Variants in AGBL4 observed in about 807,000 individuals in gnomAD.
AGBL4 encodes the protein cytosolic carboxypeptidase 6.
Under a neutral mutation model 66.4 loss-of-function variants are expected in AGBL4, and 58 were observed. The observed-to-expected ratio is 0.87, with a 90% confidence interval of 0.71 to 1.09. The LOEUF (loss-of-function observed/expected upper bound fraction) is 1.09, where lower values mean the gene tolerates loss of function less well. Ranked by LOEUF, AGBL4 falls within the 50% of genes least tolerant of loss-of-function variation. The pLI is 0.00. For missense variants in AGBL4, 579 were observed against 631.0 expected (o/e 0.92, Z 0.88); for synonymous variants, 234 against 222.9 (o/e 1.05, Z -0.44).
At chr1:49,483,956 C>T (rs1647009951) in intron 3 of AGBL4, among the ~76,000 whole-genome samples, 1 of 151,894 alleles carries the variant, frequency 6.6e-6, no homozygotes, top group Non-Finnish European at 1.5e-5. Flanking sequence ...GAATATACAT[C>T]TCTCAAAAGA....
At chr1:49,002,709 T>C (rs541330436) in intron 5 of AGBL4, among the ~76,000 whole-genome samples, 21 of 152,220 alleles carry the variant, frequency 1.4e-4, no homozygotes, top group Non-Finnish European at 2.5e-4. Flanking sequence ...GGATTAATGG[T>C]TTCAAATTCC....
chr1:49,737,743 G>C (rs1354855731), intron 2 of AGBL4, among the ~76,000 whole-genome samples: 1 of 152,170 alleles, frequency 6.6e-6, no homozygotes, highest in Non-Finnish European at 1.5e-5. Flanking sequence ...AAACCAGAAG[G>C]CAGTAGGATG....
intron 4 of AGBL4, among the ~76,000 whole-genome samples, chr1:49,153,727 GT>G (rs35957021): frequency 6.3e-4 from 96 of 151,946 alleles, no homozygotes; most frequent in African/African-American, 2.3e-3. Context: ...TCTGGGCCTT[GT>G]TTTCCCATCT....
At chr1:49,775,626 C>T (rs1270649249) in intron 2 of AGBL4, among the ~76,000 whole-genome samples, 2 of 151,938 alleles carry the variant, frequency 1.3e-5, no homozygotes, top group Non-Finnish European at 2.9e-5. Context: ...ATTATAATTA[C>T]CATGTGTCTA....
chr1:48,974,858 G>C (rs1260667073), intron 5 of AGBL4, among the ~76,000 whole-genome samples: 1 of 152,048 alleles, frequency 6.6e-6, no homozygotes, highest in East Asian at 1.9e-4. Flanking sequence ...AAGACCACAG[G>C]AAACAGATTC....
At chr1:49,968,027 C>G (rs762606746) in intron 1 of AGBL4, among the ~76,000 whole-genome samples, 1 of 152,112 alleles carries the variant, frequency 6.6e-6, no homozygotes, top group South Asian at 2.1e-4. Flanking sequence ...AGTTCAAGAC[C>G]AGCCTGACCA....
chr1:48,603,377 G>C (rs1232224489), intron 9 of AGBL4, among the ~76,000 whole-genome samples: 1 of 152,168 alleles, frequency 6.6e-6, no homozygotes, highest in African/African-American at 2.4e-5. Flanking sequence ...GGCTGAGGCA[G>C]GAGAATTGCT....
chr1:49,743,740 C>G (rs1650749200), intron 2 of AGBL4, among the ~76,000 whole-genome samples: 1 of 152,038 alleles, frequency 6.6e-6, no homozygotes, highest in Admixed American at 6.5e-5. Context: ...ATTATGAGTT[C>G]ACGTCCTTCG....
At chr1:48,541,402 T>C (rs1220936027) in intron 11 of AGBL4, among the ~76,000 whole-genome samples, 1 of 152,252 alleles carries the variant, frequency 6.6e-6, no homozygotes, top group African/African-American at 2.4e-5. Context: ...GCAGAGGTCA[T>C]ATCTGTCTTA....
chr1:48,657,232 G>C (rs114198594), intron 7 of AGBL4, among the ~76,000 whole-genome samples: 2,082 of 152,286 alleles, frequency 0.014, 54 homozygotes, highest in African/African-American at 0.047. Flanking sequence ...GTTCTTGTGA[G>C]GATTTAAGTG....
chr1:48,548,604 T>C (rs911035759), intron 11 of AGBL4, among the ~76,000 whole-genome samples: 2 of 152,210 alleles, frequency 1.3e-5, no homozygotes, highest in Non-Finnish European at 2.9e-5. Context: ...CCCTTCCCTG[T>C]CCTGCTCCTC....
intron 1 of AGBL4, among the ~76,000 whole-genome samples, chr1:50,023,131 T>G (rs575403656): frequency 1.3e-5 from 2 of 152,298 alleles, no homozygotes; most frequent in African/African-American, 4.8e-5. Flanking sequence ...GGTAGGCTCC[T>G]AAAGGACTGG....
chr1:48,995,663 T>C (rs1057315181), intron 5 of AGBL4, among the ~76,000 whole-genome samples: 1 of 152,124 alleles, frequency 6.6e-6, no homozygotes, highest in African/African-American at 2.4e-5. Flanking sequence ...ACCCAAAAAA[T>C]GAAAACTTTC....
At chr1:48,969,613 C>T (rs1447108590) in intron 5 of AGBL4, among the ~76,000 whole-genome samples, 1 of 152,078 alleles carries the variant, frequency 6.6e-6, no homozygotes, top group Non-Finnish European at 1.5e-5. Flanking sequence ...TATTCCCTCT[C>T]TCTCCCTTCC....
Position 48,847,399 on chromosome 1 carries a change from C to CAAAA in AGBL4, c.634+19788_634+19791dup, listed in dbSNP as rs11413755. On this transcript the variant is annotated intron_variant, in intron 6 of 13. Transcript: ENST00000371839. ...AAGGCACTTTCATAAAGAAATGAGG[C>CAAAA]AAAAAAAAAAAAAAAGCCTGTATTT... is the stretch of plus-strand genomic sequence containing the variant. Among the ~76,000 whole-genome samples, 743 of 126,104 alleles carry CAAAA rather than the reference C, an allele frequency of 5.9e-3. 11 individuals carry two copies. Among genetic ancestry groups the CAAAA allele is most frequent in the African/African-American group, 0.017 (539 of 31,802 alleles). The allele number at this position is 126,104 out of a possible 152,430, so 82.7% of individuals were successfully genotyped here.
intron 4 of AGBL4, among the ~76,000 whole-genome samples, chr1:49,226,904 G>A (rs1035365610): frequency 1.3e-5 from 2 of 152,150 alleles, no homozygotes; most frequent in African/African-American, 4.8e-5. Context: ...GGAAGTCCAA[G>A]GTCAAAGTGA....
At chr1:49,258,888 C>G (rs866620531) in intron 3 of AGBL4, among the ~76,000 whole-genome samples, 7 of 152,090 alleles carry the variant, frequency 4.6e-5, no homozygotes, top group Non-Finnish European at 8.8e-5. Flanking sequence ...AGTAAAAAAT[C>G]TTAAGGGCAG....
intron 3 of AGBL4, among the ~76,000 whole-genome samples, chr1:49,428,285 A>G (rs1468560544): frequency 6.6e-6 from 1 of 152,196 alleles, no homozygotes; most frequent in Non-Finnish European, 1.5e-5. Flanking sequence ...TTCTAGTTCC[A>G]CAGATTCATA....
At chr1:49,832,188 T>A (rs1360863256) in intron 2 of AGBL4, among the ~76,000 whole-genome samples, 4 of 145,190 alleles carry the variant, frequency 2.8e-5, no homozygotes, top group Non-Finnish European at 6.0e-5. Flanking sequence ...GATGCTCCCC[T>A]TCCTGTGTCC....
Sources: gnomAD v4.1 joint callset for allele counts (sites outside exome capture counted in the v4.1 genomes callset) on GRCh38, gnomAD v4.1.1 for gene constraint, MANE v1.5 for transcripts, NCBI Gene and HGNC (gene_info 2026-07-23, HGNC 2026-07-21) for gene names.